The following FAM83H variants were observed in gnomAD, a reference collection of about 807,000 sequenced individuals.
FAM83H encodes protein FAM83H.
Under a neutral mutation model 30.2 loss-of-function variants are expected in FAM83H, and 24 were observed. The ratio of observed to expected loss-of-function variants is 0.79; its 90% CI spans 0.57 to 1.12. FAM83H has a LOEUF of 1.12. Ranked by LOEUF, FAM83H falls within the 50% of genes most tolerant of loss-of-function variation. The pLI is 0.00. For synonymous variants in FAM83H, 1,013 were observed against 821.7 expected (o/e 1.23, Z -3.98); for missense variants, 2,038 against 1,773.9 (o/e 1.15, Z -2.67).
chr8:143,727,748 C>T lies in FAM83H; in HGVS notation c.1713G>A (p.Gly571=). ...APEAEPERRG[G]PEGRAGLRRW... ...GCCGCAGCCCTGCCCGCCCCTCGGG[C>T]CCGCCCCTGCGCTCCGGCTCCGCCT... Residue 571 remains glycine, a synonymous_variant, in exon 5 of 5, where the codon GGG becomes GGA. Transcript: ENST00000388913. 2.0e-6 allele frequency: 3 copies of T among 1,506,362 alleles called. No homozygotes were observed. Among genetic ancestry groups the T allele is most frequent in the Non-Finnish European group, 2.6e-6 (3 of 1,135,200 alleles). 93.3% of individuals were successfully genotyped at this position (1,506,362 alleles called of 1,614,324 possible).
Position 143,724,344 on chromosome 8 carries a change from G to A in FAM83H, c.*1577C>T, listed in dbSNP as rs1587447425. 6.6e-6 allele frequency: 1 copy of A among 151,986 alleles called. No homozygotes were observed. Among genetic ancestry groups the A allele is most frequent in the South Asian group, 2.1e-4 (1 of 4,818 alleles). 9.4% of individuals were successfully genotyped at this position (151,986 alleles called of 1,614,324 possible). A position where few individuals can be genotyped will look rare whatever the true frequency, so the allele number is the denominator to read the frequency against. On this transcript the variant is annotated 3_prime_UTR_variant, in exon 5 of 5. Transcript: ENST00000388913. The stretch of plus-strand genomic sequence containing the variant: ...GTTTCTTAAATCAGTTCCCTCTTAG[G>A]ATTTATTACACTAAAAAAAAAATTA...
At position 143,725,015 on chromosome 8, in the gene FAM83H, A is replaced by G. The variant is rs1193065258; in HGVS notation, c.*906T>C. On this transcript the variant is annotated 3_prime_UTR_variant, in exon 5 of 5. Coordinates refer to ENST00000388913, the MANE Select transcript of FAM83H (RefSeq NM_198488.5). ...GGTCCAGCTCCCCCCCCCCTGCCCCACCCACCCCTTGCAAACTGCCCGCAG... is the reference window on the plus strand; with the variant it reads ...GGTCCAGCTCCCCCCCCCCTGCCCCGCCCACCCCTTGCAAACTGCCCGCAG... 9.2e-6 allele frequency: 1 copy of G among 108,548 alleles called. No individual in the cohort carries two copies. 6.7% of individuals were successfully genotyped at this position (108,548 alleles called of 1,614,324 possible). A position where few individuals can be genotyped will look rare whatever the true frequency, so the allele number is the denominator to read the frequency against.
Position 143,730,192 on chromosome 8 carries a change from G to A in FAM83H, c.391C>T (p.Pro131Ser), listed in dbSNP as rs1554624023. ...EVTTLVQPPP[P>S]DSPSIKDEAR... ...TCATCCTTGATACTGGGGCTGTCGG[G>A]GGGCGGTGGCTGCACCAAGGTGGTC... The change falls in exon 2 of 5, where the codon CCC becomes TCC. Residue 131 changes from proline to serine, a missense_variant. Pro to Ser is a moderately conservative substitution (Grantham distance 74). Transcript: ENST00000388913. 3.7e-6 allele frequency: 6 copies of A among 1,609,738 alleles called. No homozygotes were observed. In the Admixed American group the frequency reaches 5.0e-5, roughly 13 times the overall value.
intron 1 of FAM83H, chr8:143,732,466 T>TG (rs1554624760): frequency 1.0e-6 from 1 of 985,192 alleles, no homozygotes; most frequent in African/African-American, 1.7e-5. Context: ...GGAACAACCC[T>TG]GCTGATGTTG....
At position 143,726,178 on chromosome 8, in the gene FAM83H, G is replaced by A. The variant is rs377125756; in HGVS notation, c.3283C>T (p.Arg1095Cys). Residue 1095 changes from arginine (R) to cysteine (C), a missense_variant, in exon 5 of 5, where the codon CGC becomes TGC. Physicochemically the swap from Arg to Cys is radical, Grantham distance 180. Transcript: ENST00000388913. ...CCCTGGGTCCCCAAGCTGTCCGAGC[G>A]GAAGATGGCTGAACACTTGTCCTTG... is the stretch of plus-strand genomic sequence containing the variant. ...SDKDKCSAIF[R>C]SDSLGTQGRL... The A allele has an allele frequency of 9.4e-5, 151 of 1,612,140 alleles. No homozygotes were observed. Among genetic ancestry groups the A allele is most frequent in the Middle Eastern group, 4.9e-4 (3 of 6,078 alleles).
At chr8:143,732,406 AC>A in intron 1 of FAM83H, 2 of 985,310 alleles carry the variant, frequency 2.0e-6, no homozygotes, top group Non-Finnish European at 2.4e-6. Context: ...GAGCCCACTC[AC>A]CATTGCCAGC....
chr8:143,729,344 G>A (rs782653430), intron 2 of FAM83H, 21 bp from the exon 3 acceptor site: 19 of 1,611,916 alleles, frequency 1.2e-5, no homozygotes, highest in Admixed American at 1.7e-5. Flanking sequence ...GGGTCAGGAC[G>A]GAGAGGAGAG....
Position 143,725,854 on chromosome 8 carries a change from C to A in FAM83H, c.*67G>T. The A allele has an allele frequency of 6.3e-7, 1 of 1,582,120 alleles. No individual in the cohort carries two copies. Among genetic ancestry groups the A allele is most frequent in the South Asian group, 1.1e-5 (1 of 87,954 alleles). The stretch of plus-strand genomic sequence containing the variant: ...AGCAGATGAGCAGGGCTCTCTGTTC[C>A]GCGGGGCTTCTGGATGACCGGGGCA... On this transcript the variant is annotated 3_prime_UTR_variant, in exon 5 of 5. Coordinates refer to ENST00000388913, the MANE Select transcript of FAM83H (RefSeq NM_198488.5).
chr8:143,728,925 G>A, intron 4 of FAM83H, 42 bp downstream of exon 4: 1 of 1,612,598 alleles, frequency 6.2e-7, no homozygotes, highest in Non-Finnish European at 8.5e-7. Flanking sequence ...GGTTACAGGA[G>A]GAGGCCCCAG....
In FAM83H at chr8:143,730,461, T is replaced by C. The variant is rs201455420; in HGVS notation, c.122A>G (p.Glu41Gly). Residue 41 changes from glutamate to glycine, a missense_variant, in exon 2 of 5, where the codon GAG becomes GGG. Physicochemically the swap from Glu to Gly is moderately conservative, Grantham distance 98. Transcript: ENST00000388913. ...GGTAGCGAGGAAGCGGCTGTAGGCC[T>C]CCGAGCCACCCTCGGCCAGTGCATC... ...AVDALAEGGS[E>G]AYSRFLATEG... is the part of the protein sequence containing the mutation. The C allele has an allele frequency of 1.0e-4, 169 of 1,611,420 alleles. No homozygotes were observed. Among genetic ancestry groups the C allele is most frequent in the Admixed American group, 4.8e-4 (29 of 60,002 alleles).
chr8:143,728,592 G>A lies in FAM83H; in HGVS notation c.869C>T (p.Ala290Val), dbSNP rs781789019. 1.9e-6 allele frequency: 3 copies of A among 1,606,024 alleles called. No individual in the cohort carries two copies. Among genetic ancestry groups the A allele is most frequent in the African/African-American group, 1.3e-5 (1 of 74,792 alleles). ...GGCATAGGCGTCCATGCGGGCCAGG[G>A]CCGCGGCCGAGGGCACAAGCGGCTC... ...QSEPLVPSAA[A>V]LARMDAYALA... Residue 290 changes from alanine (A) to valine (V), a missense_variant, in exon 5 of 5, where the codon GCC becomes GTC. Coordinates refer to ENST00000388913, the MANE Select transcript of FAM83H (RefSeq NM_198488.5).
At position 143,733,086 on chromosome 8, in the gene FAM83H, G is replaced by C. The variant is rs782241724; in HGVS notation, c.-16+605C>G. ...CTAGGCGGCGGAAAGGTGGGGTGCG[G>C]AGGACGGGGCTCACAGACCGGAAGT... is the stretch of plus-strand genomic sequence containing the variant. On this transcript the variant is annotated intron_variant, in intron 1 of 4. Coordinates refer to ENST00000388913, the MANE Select transcript of FAM83H (RefSeq NM_198488.5). This position sits in a 1 kb window ranked among gnomAD's most constrained non-coding sequence, Gnocchi z 5.6. 1 of 154,570 alleles carries C rather than the reference G, an allele frequency of 6.5e-6. No individual in the cohort carries two copies. Among genetic ancestry groups the C allele is most frequent in the Non-Finnish European group, 1.5e-5 (1 of 68,406 alleles). The allele number at this position is 154,570 out of a possible 1,614,324, so 9.6% of individuals were successfully genotyped here.
Position 143,725,947 on chromosome 8 carries a change from G to C in FAM83H, c.3514C>G (p.Leu1172Val). The C allele has an allele frequency of 1.2e-6, 2 of 1,613,038 alleles. No individual in the cohort carries two copies. Among genetic ancestry groups the C allele is most frequent in the Non-Finnish European group, 1.7e-6 (2 of 1,179,962 alleles). ...SKVGKFVPKI[L>V]GTFKSKK ...CACTTCTTGCTTTTGAACGTGCCCA[G>C]GATCTTGGGCACGAACTTGCCCACC... is the stretch of plus-strand genomic sequence containing the variant. Residue 1172 changes from leucine to valine, a missense_variant, in exon 5 of 5, where the codon CTG becomes GTG. By Grantham distance (32) the Leu-to-Val change is conservative. Transcript: ENST00000388913.
chr8:143,729,035 G>A lies in FAM83H; in HGVS notation c.669C>T (p.Ser223=), dbSNP rs1563760795. 1 of 1,613,654 alleles carries A rather than the reference G, an allele frequency of 6.2e-7. No individual in the cohort carries two copies. The highest frequency in any genetic ancestry group is 1.6e-4 in the Middle Eastern group (1 of 6,062). The part of the protein sequence containing the change: ...GPTYYCRTGK[S]FKGHVKEKFL... Reference sequence around the variant, plus strand: ...ACTTCTCCTTGACGTGGCCCTTGAAGGACTTCCCAGTGCGGCAGTAGTAGG... The same window carrying A: ...ACTTCTCCTTGACGTGGCCCTTGAAAGACTTCCCAGTGCGGCAGTAGTAGG... Residue 223 remains serine, a synonymous_variant, in exon 4 of 5, where the codon TCC becomes TCT. Transcript: ENST00000388913.
Position 143,728,947 on chromosome 8 carries a change from A to T in FAM83H, c.737+20T>A. 1 of 1,613,206 alleles carries T rather than the reference A, an allele frequency of 6.2e-7. No homozygotes were observed. The highest frequency in any genetic ancestry group is 8.5e-7 in the Non-Finnish European group (1 of 1,179,924). ...GGAGGAGGCCCCAGAGAAGGGGGTG[A>T]GGGAGCCCCGCGGGCGCACCTGTAG... On this transcript the variant is annotated intron_variant, in intron 4 of 4. Coordinates refer to ENST00000388913, the MANE Select transcript of FAM83H (RefSeq NM_198488.5).
intron 1 of FAM83H, 60 bp from the exon 2 acceptor site, chr8:143,730,657 G>T: frequency 1.7e-6 from 2 of 1,192,530 alleles, no homozygotes; most frequent in South Asian, 1.6e-5. Flanking sequence ...TCCTACCCTC[G>T]AGCATGGACA....
chr8:143,725,831 C>T lies in FAM83H; in HGVS notation c.*90G>A. On this transcript the variant is annotated 3_prime_UTR_variant, in exon 5 of 5. Coordinates refer to ENST00000388913, the MANE Select transcript of FAM83H (RefSeq NM_198488.5). ...CGTGGCCTGACAGCCGCTGCTCAAG[C>T]AGATGAGCAGGGCTCTCTGTTCCGC... The T allele has an allele frequency of 1.1e-5, 17 of 1,559,408 alleles. 1 individual carries two copies. Among genetic ancestry groups the T allele is most frequent in the Non-Finnish European group, 1.5e-5 (17 of 1,150,748 alleles).
chr8:143,732,522 C>T (rs1164764906), intron 1 of FAM83H: 60 of 985,358 alleles, frequency 6.1e-5, no homozygotes, highest in Non-Finnish European at 7.1e-5. Flanking sequence ...AGAAAGGACC[C>T]CCACTGTCCC....
Position 143,733,774 on chromosome 8 carries a change from GC to G in FAM83H, c.-100del, listed in dbSNP as rs1177585125. Reference sequence around the variant, plus strand: ...GCCTCGCGGTCCGGTCGGTCCGGCAGCCACTCCCTGCCGCGGCCCGCCCGGC... The same window carrying G: ...GCCTCGCGGTCCGGTCGGTCCGGCAGCACTCCCTGCCGCGGCCCGCCCGGC... On this transcript the variant is annotated 5_prime_UTR_variant, in exon 1 of 5. Coordinates refer to ENST00000388913, the MANE Select transcript of FAM83H (RefSeq NM_198488.5). This position sits in a 1 kb window ranked among gnomAD's most constrained non-coding sequence, Gnocchi z 5.6. 4 of 148,830 alleles carry G rather than the reference GC, an allele frequency of 2.7e-5. No homozygotes were observed. Among genetic ancestry groups the G allele is most frequent in the Non-Finnish European group, 6.0e-5 (4 of 66,508 alleles). 9.2% of individuals were successfully genotyped at this position (148,830 alleles called of 1,614,324 possible). A position where few individuals can be genotyped will look rare whatever the true frequency, so the allele number is the denominator to read the frequency against.
Sources: gnomAD v4.1 joint callset for allele counts on GRCh38, gnomAD v4.1.1 for gene constraint, Gnocchi (gnomAD v3.1) non-coding constraint, MANE v1.5 for transcripts, NCBI Gene and HGNC (gene_info 2026-07-23, HGNC 2026-07-21) for gene names.